AFG3L2: variants seen among roughly 807,000 people sequenced by gnomAD.
AFG3L2 encodes mitochondrial inner membrane m-AAA protease component AFG3L2.
Under a neutral mutation model 94.5 loss-of-function variants are expected in AFG3L2, and 54 were observed. The ratio of observed to expected loss-of-function variants is 0.57; its 90% confidence interval spans 0.46 to 0.72. The LOEUF (loss-of-function observed/expected upper bound fraction) is 0.72. Among genes scored for constraint, AFG3L2 ranks in the 30% least tolerant of loss-of-function variants. The pLI is 0.00. For missense variants in AFG3L2, 754 were observed against 994.9 expected, an observed-to-expected ratio of 0.76 and a Z score of 3.26; for synonymous variants, 377 against 365.5, an observed-to-expected ratio of 1.03 and a Z score of -0.36.
intron 3 of AFG3L2, among the ~76,000 whole-genome samples, chr18:12,370,537 C>T (rs1908952364): frequency 6.9e-6 from 1 of 144,588 alleles, no homozygotes; most frequent in South Asian, 2.2e-4. Flanking sequence ...GTGGCACAAT[C>T]ACAGCTCCCT....
intron 12 of AFG3L2, among the ~76,000 whole-genome samples, chr18:12,350,450 T>G (rs990214605): frequency 2.4e-4 from 36 of 152,336 alleles, no homozygotes; most frequent in African/African-American, 7.9e-4. Context: ...GAATAATTCC[T>G]ACAATATTTA....
chr18:12,356,544 G>T, intron 9 of AFG3L2, 150 bp downstream of exon 9: 1 of 1,134,534 alleles, frequency 8.8e-7, no homozygotes, highest in Non-Finnish European at 1.3e-6. Context: ...CCTTGCTGAA[G>T]TCTTAGGCCT....
chr18:12,360,738 G>A (rs1908635151), intron 6 of AFG3L2, among the ~76,000 whole-genome samples: 1 of 152,308 alleles, frequency 6.6e-6, no homozygotes, highest in South Asian at 2.1e-4. Context: ...TTGTACTCGT[G>A]TCTACTGACT....
chr18:12,337,139 G>A (rs1362551394), intron 16 of AFG3L2: 8 of 631,674 alleles, frequency 1.3e-5, no homozygotes, highest in East Asian at 2.7e-5. Context: ...CACAGGAGCC[G>A]GGACAGTGTC....
At chr18:12,343,035 G>T (rs572899004) in intron 14 of AFG3L2, 2 of 151,982 alleles carry the variant, frequency 1.3e-5, no homozygotes, top group South Asian at 4.2e-4. Context: ...ATAATTACCA[G>T]AGATTGCACT....
intron 7 of AFG3L2, among the ~76,000 whole-genome samples, chr18:12,359,723 C>G (rs983481393): frequency 2.0e-5 from 3 of 151,732 alleles, no homozygotes; most frequent in Non-Finnish European, 2.9e-5. Flanking sequence ...GCCTGGGCGA[C>G]AGAGCGAAAC....
rs749806446 is a variant in AFG3L2 at position 12,340,360 on chromosome 18, C to G, written c.1821G>C (p.Gln607His). The G allele has an allele frequency of 4.3e-6, 7 of 1,614,170 alleles. No homozygotes were observed. Among genetic ancestry groups the G allele is most frequent in the Non-Finnish European group, 5.1e-6 (6 of 1,180,010 alleles). ...IPRGKGLGYA[Q>H]YLPKEQYLYT... ...AGAGGTATTGTTCTTTTGGTAAATACTGAGCATAACCTAGTCCTTTGCCAC... is the reference window on the plus strand; with the variant it reads ...AGAGGTATTGTTCTTTTGGTAAATAGTGAGCATAACCTAGTCCTTTGCCAC... The change falls in exon 15 of 17, where the codon CAG becomes CAC. Residue 607 changes from glutamine (Q) to histidine (H), a missense_variant. Around this residue, in one of 4 missense-constraint regions of AFG3L2, gnomAD observed 279 missense variants for 378.6 expected, o/e 0.74. Coordinates refer to ENST00000269143, the MANE Select transcript of AFG3L2 (RefSeq NM_006796.3).
rs777357028 is a variant in AFG3L2, at chr18:12,353,134, G to C, written c.1189C>G (p.Arg397Gly). The C allele has an allele frequency of 2.5e-6, 4 of 1,613,910 alleles. No individual in the cohort carries two copies. The highest frequency in any genetic ancestry group is 1.3e-5 in the African/African-American group (1 of 74,878). Residue 397 changes from arginine to glycine, a missense_variant, in exon 10 of 17, where the codon CGG becomes GGG. This residue lies in a region of AFG3L2 where 109 missense variants were observed against 227.1 expected (regional missense o/e 0.48). Coordinates refer to ENST00000269143, the MANE Select transcript of AFG3L2 (RefSeq NM_006796.3). ...AAGAGGATGCAAGGGGCATTCTTCC[G>C]AGCAAGGGCAAATAAGTCTCGGACC... The part of the protein sequence containing the change: ...ARVRDLFALA[R>G]KNAPCILFID...
intron 1 of AFG3L2, among the ~76,000 whole-genome samples, chr18:12,376,471 G>C (rs1333211695): frequency 5.3e-5 from 8 of 152,206 alleles, no homozygotes; most frequent in Admixed American, 5.2e-4. Flanking sequence ...CTATGAAAAG[G>C]TGACATTCTT....
At chr18:12,357,073 C>T (rs1046738163) in intron 8 of AFG3L2, among the ~76,000 whole-genome samples, 2 of 151,704 alleles carry the variant, frequency 1.3e-5, no homozygotes, top group Non-Finnish European at 2.9e-5. Context: ...TCCTTTTTTT[C>T]CTAGGGCTGA....
At chr18:12,371,955 ATAATTAT>A (rs1909004511) in intron 1 of AFG3L2, among the ~76,000 whole-genome samples, 1 of 152,264 alleles carries the variant, frequency 6.6e-6, no homozygotes, top group Non-Finnish European at 1.5e-5. Context: ...CAATCCAATT[ATAATTAT>A]GTGACAACAC....
intron 9 of AFG3L2, among the ~76,000 whole-genome samples, chr18:12,354,064 A>T (rs1908407359): frequency 6.6e-6 from 1 of 151,046 alleles, no homozygotes; most frequent in Non-Finnish European, 1.5e-5. Flanking sequence ...AGAGCCACTC[A>T]GCACCTCACC....
intron 5 of AFG3L2, among the ~76,000 whole-genome samples, chr18:12,366,384 G>C (rs1014168281): frequency 1.3e-5 from 2 of 152,178 alleles, no homozygotes; most frequent in Non-Finnish European, 2.9e-5. Flanking sequence ...GGTGAATATA[G>C]TCACACATGG....
chr18:12,343,214 G>T (rs1212865387), intron 14 of AFG3L2: 1 of 152,146 alleles, frequency 6.6e-6, no homozygotes, highest in African/African-American at 2.4e-5. Context: ...TAATGAAATT[G>T]AATTTTTAAA....
In AFG3L2 at chr18:12,340,488, C is replaced by T. The variant is rs537085274; in HGVS notation, c.1780-87G>A. On this transcript the variant is annotated intron_variant, in intron 14 of 16. Coordinates refer to ENST00000269143, the MANE Select transcript of AFG3L2 (RefSeq NM_006796.3). ...GTGTATAAACAGATAAACTCATTGA[C>T]TAAAAATAAGCACAACAGCCGCACA... The T allele has an allele frequency of 2.7e-6, 3 of 1,112,700 alleles. No homozygotes were observed. In the African/African-American group the frequency reaches 4.6e-5, roughly 17 times the overall value. The allele number at this position is 1,112,700 out of a possible 1,614,324, so 68.9% of individuals were successfully genotyped here. A position where few individuals can be genotyped will look rare whatever the true frequency, so the allele number is the denominator to read the frequency against.
chr18:12,373,245 CAG>C (rs1909045948), intron 1 of AFG3L2, among the ~76,000 whole-genome samples: 1 of 152,150 alleles, frequency 6.6e-6, no homozygotes, highest in Admixed American at 6.6e-5. Context: ...CCACTGATAA[CAG>C]ATAAGAATGC....
intron 16 of AFG3L2, among the ~76,000 whole-genome samples, chr18:12,330,362 G>GT (rs1433947500): frequency 6.6e-6 from 1 of 151,546 alleles, no homozygotes; most frequent in Non-Finnish European, 1.5e-5. Context: ...AGGAGGCTGT[G>GT]TATGTTCTAT....
chr18:12,335,565 T>G (rs1176495452), intron 16 of AFG3L2, among the ~76,000 whole-genome samples: 1 of 152,210 alleles, frequency 6.6e-6, no homozygotes, highest in Admixed American at 6.5e-5. Context: ...CCTGGGTACA[T>G]CCTCAACCTT....
At chr18:12,347,751 A>T (rs961799344) in intron 13 of AFG3L2, among the ~76,000 whole-genome samples, 9 of 151,950 alleles carry the variant, frequency 5.9e-5, no homozygotes, top group African/African-American at 2.2e-4. Context: ...GGGTTTCACT[A>T]TGTTAGCCAG....
Sources: allele counts gnomAD v4.1 joint callset (sites outside exome capture counted in the v4.1 genomes callset), GRCh38; gene constraint gnomAD v4.1.1; regional missense constraint gnomAD v4.1.1; transcripts MANE v1.5; gene names NCBI Gene and HGNC (gene_info 2026-07-23, HGNC 2026-07-21).